ATP8A2: variants seen among roughly 807,000 people sequenced by gnomAD.
ATP8A2 encodes the protein phospholipid-transporting ATPase IB.
A neutral mutation model predicts 165.6 loss-of-function variants in ATP8A2; 100 were observed. That is an observed-to-expected ratio of 0.60 (90% CI 0.51 to 0.71). The LOEUF (loss-of-function observed/expected upper bound fraction) is 0.71, where lower values mean the gene tolerates loss of function less well. ATP8A2 is among the 30% of genes least tolerant of loss of function. ATP8A2 has a pLI of 0.00. For missense variants in ATP8A2, 1,227 were observed against 1,479.5 expected (o/e 0.83, Z 2.80); for synonymous variants, 543 against 548.8 (o/e 0.99, Z 0.15).
At chr13:25,667,869 AT>A (rs2042185622) in intron 24 of ATP8A2, among the ~76,000 whole-genome samples, 1 of 152,118 alleles carries the variant, frequency 6.6e-6, no homozygotes, top group Non-Finnish European at 1.5e-5. Flanking sequence ...GAGTATTACA[AT>A]TAATATTGCA....
intron 1 of ATP8A2, among the ~76,000 whole-genome samples, chr13:25,374,214 G>C (rs750469418): frequency 6.6e-5 from 10 of 152,190 alleles, no homozygotes; most frequent in Non-Finnish European, 1.3e-4. Context: ...TGTTCAGGAA[G>C]GGGTGGGGTG....
chr13:25,809,774 T>C (rs1208168933), intron 27 of ATP8A2, among the ~76,000 whole-genome samples: 1 of 152,118 alleles, frequency 6.6e-6, no homozygotes, highest in African/African-American at 2.4e-5. Context: ...GAGACAAGGA[T>C]CCTATCTGTC....
At chr13:25,667,925 T>C (rs899237383) in intron 24 of ATP8A2, among the ~76,000 whole-genome samples, 1 of 152,192 alleles carries the variant, frequency 6.6e-6, no homozygotes, top group Non-Finnish European at 1.5e-5. Flanking sequence ...GTAGCTTCAA[T>C]AGCATATAAG....
At chr13:25,882,987 A>T (rs1363039169) in intron 33 of ATP8A2, among the ~76,000 whole-genome samples, 1 of 152,014 alleles carries the variant, frequency 6.6e-6, no homozygotes, top group African/African-American at 2.4e-5. Flanking sequence ...GCAGCTACCC[A>T]CAAGCTGGGC....
intron 33 of ATP8A2, among the ~76,000 whole-genome samples, chr13:25,864,282 AG>A (rs767998817): frequency 9.2e-5 from 14 of 151,972 alleles, no homozygotes; most frequent in Non-Finnish European, 1.9e-4. Context: ...TGACAGACAA[AG>A]CCCATTCCTT....
intron 13 of ATP8A2, among the ~76,000 whole-genome samples, chr13:25,555,927 T>TATGG (rs34093409): frequency 0.53 from 80,064 of 151,584 alleles, 22,030 homozygotes; most frequent in Middle Eastern, 0.6. Flanking sequence ...TCCAGCTCCA[T>TATGG]GCATGTTGCT....
intron 27 of ATP8A2, among the ~76,000 whole-genome samples, chr13:25,799,597 G>A (rs1206857659): frequency 6.6e-6 from 1 of 152,186 alleles, no homozygotes; most frequent in African/African-American, 2.4e-5. Context: ...TTCCACGTTG[G>A]AGGGCAGCTG....
intron 25 of ATP8A2, among the ~76,000 whole-genome samples, chr13:25,739,476 T>A (rs894509253): frequency 3.9e-5 from 6 of 152,216 alleles, no homozygotes; most frequent in African/African-American, 1.4e-4. Flanking sequence ...AGAGCAGTCT[T>A]AATATAACGT....
At chr13:26,003,370 A>T (rs202004881) in intron 35 of ATP8A2, among the ~76,000 whole-genome samples, 1 of 148,120 alleles carries the variant, frequency 6.8e-6, no homozygotes, top group Non-Finnish European at 1.5e-5. Context: ...TTTTTTTTTT[A>T]ATTGAGCTAT....
chr13:25,885,968 G>T (rs1455516072), intron 33 of ATP8A2, among the ~76,000 whole-genome samples: 1 of 152,092 alleles, frequency 6.6e-6, no homozygotes, highest in Non-Finnish European at 1.5e-5. Context: ...AGAGAATTTC[G>T]GTGGGGGTGA....
intron 2 of ATP8A2, among the ~76,000 whole-genome samples, chr13:25,489,447 C>CTTT (rs1223018690): frequency 1.3e-5 from 2 of 152,220 alleles, no homozygotes; most frequent in Non-Finnish European, 2.9e-5. Flanking sequence ...GGCAGCCCCT[C>CTTT]TGTGCCGCAG....
intron 25 of ATP8A2, among the ~76,000 whole-genome samples, chr13:25,715,547 C>G (rs1028342304): frequency 6.6e-6 from 1 of 152,180 alleles, no homozygotes; most frequent in South Asian, 2.1e-4. Flanking sequence ...CTTTCTGTCT[C>G]TATAGATTTA....
intron 9 of ATP8A2, among the ~76,000 whole-genome samples, chr13:25,542,329 G>GC: frequency 6.6e-6 from 1 of 151,466 alleles, no homozygotes; most frequent in Admixed American, 6.6e-5. Flanking sequence ...GCAGAGGAGA[G>GC]TTATCTGAGG....
chr13:25,537,902 T>C lies in ATP8A2; in HGVS notation c.508-86T>C, dbSNP rs117769300. 9.5e-3 allele frequency: 7,964 copies of C among 840,686 alleles called. 55 individuals are homozygous for C. The highest frequency in any genetic ancestry group is 0.018 in the Middle Eastern group (79 of 4,334). 52.1% of individuals were successfully genotyped at this position (840,686 alleles called of 1,614,324 possible). A position where few individuals can be genotyped will look rare whatever the true frequency, so the allele number is the denominator to read the frequency against. On this transcript the variant is annotated intron_variant, in intron 6 of 36. Transcript: ENST00000381655. The stretch of plus-strand genomic sequence containing the variant: ...ATGGCTTAGTTATATAATAATTTTT[T>C]CTTCAAATATTTAAGCACCTTTTTC...
At chr13:25,885,105 CTTTTTTTTTTTT>C (rs869044168) in intron 33 of ATP8A2, among the ~76,000 whole-genome samples, 4 of 88,568 alleles carry the variant, frequency 4.5e-5, no homozygotes, top group African/African-American at 1.8e-4. Flanking sequence ...TCTCCGCTTG[CTTTTTTTTTTTT>C]TTTTTTTTTT....
At chr13:25,377,854 C>T (rs983394971) in intron 1 of ATP8A2, among the ~76,000 whole-genome samples, 13 of 152,076 alleles carry the variant, frequency 8.5e-5, no homozygotes, top group African/African-American at 3.1e-4. Flanking sequence ...CCTGTTGGCT[C>T]ACGTGTGTAA....
intron 2 of ATP8A2, among the ~76,000 whole-genome samples, chr13:25,501,736 T>C (rs1031301985): frequency 1.3e-5 from 2 of 152,310 alleles, no homozygotes; most frequent in Admixed American, 1.3e-4. Context: ...TAATGGAAGG[T>C]AGCATAAAGC....
intron 25 of ATP8A2, among the ~76,000 whole-genome samples, chr13:25,756,959 TACA>T (rs1177284349): frequency 1.3e-5 from 2 of 152,214 alleles, no homozygotes; most frequent in African/African-American, 2.4e-5. Flanking sequence ...GGAGCCCCTG[TACA>T]GCCCATCCCT....
At chr13:25,801,794 A>G (rs1403011073) in intron 27 of ATP8A2, among the ~76,000 whole-genome samples, 2 of 152,076 alleles carry the variant, frequency 1.3e-5, no homozygotes, top group East Asian at 3.8e-4. Context: ...GGTTTAATTG[A>G]CTCATAGTTC....
Sources: allele counts gnomAD v4.1 joint callset (sites outside exome capture counted in the v4.1 genomes callset), GRCh38; gene constraint gnomAD v4.1.1; transcripts MANE v1.5; gene names NCBI Gene and HGNC (gene_info 2026-07-23, HGNC 2026-07-21).